KCNT1: variants seen among roughly 807,000 people sequenced by gnomAD.
KCNT1 encodes potassium channel subfamily T member 1.
KCNT1 carries 78 observed loss-of-function variants against 147.8 expected under a neutral mutation model. The ratio of observed to expected loss-of-function variants is 0.53; its 90% CI spans 0.44 to 0.64. The LOEUF is 0.64. KCNT1 is among the 30% of genes least tolerant of loss of function. KCNT1 has a pLI of 0.00. For synonymous variants in KCNT1, 867 were observed against 748.8 expected (o/e 1.16, Z -2.58); for missense variants, 1,419 against 1,750.3 (o/e 0.81, Z 3.38).
At chr9:135,719,142 C>T (rs1473904387) in intron 2 of KCNT1, among the ~76,000 whole-genome samples, 4 of 152,200 alleles carry the variant, frequency 2.6e-5, no homozygotes, top group African/African-American at 7.2e-5. Flanking sequence ...CCAGGGGCAA[C>T]TGATGGAGGC....
rs370521183 is a variant in KCNT1, at chr9:135,775,346, C to A, written c.2280C>A (p.Ile760=). The A allele has an allele frequency of 2.5e-6, 4 of 1,609,820 alleles. No individual in the cohort carries two copies. The African/African-American group carries it at 4.0e-5, about 16-fold the overall frequency. ...VKGYPPNSPY[I]GSSPTLCHLL... is the part of the protein sequence containing the mutation. The stretch of plus-strand genomic sequence containing the variant: ...GCTACCCTCCCAACTCGCCCTACAT[C>A]GGCAGCTCCCCAACCCTGTGCCACC... Residue 760 remains isoleucine (I), a synonymous_variant, in exon 20 of 31, where the codon ATC becomes ATA. Coordinates refer to ENST00000371757, the MANE Select transcript of KCNT1 (RefSeq NM_020822.3).
intron 1 of KCNT1, among the ~76,000 whole-genome samples, chr9:135,705,949 G>A (rs1473991938): frequency 2.0e-5 from 3 of 152,190 alleles, no homozygotes; most frequent in African/African-American, 4.8e-5. Context: ...TGGAGCAGAG[G>A]TGGGGGCATC....
intron 17 of KCNT1, 101 bp downstream of exon 17, chr9:135,770,548 G>T: frequency 1.4e-6 from 2 of 1,411,428 alleles, no homozygotes; most frequent in South Asian, 2.8e-5. Context: ...CTGGGGCGGG[G>T]CTGCAGAGGG....
chr9:135,776,738 A>G (rs914056230), intron 20 of KCNT1, among the ~76,000 whole-genome samples: 4 of 152,204 alleles, frequency 2.6e-5, no homozygotes. Flanking sequence ...CATCCTTGAC[A>G]GATCGTTATT....
At chr9:135,784,235 C>A (rs1385374764) in intron 25 of KCNT1, 110 bp downstream of exon 25, 7 of 889,464 alleles carry the variant, frequency 7.9e-6, no homozygotes, top group East Asian at 7.6e-5. Flanking sequence ...CTCTGAATGA[C>A]CTTCCCTGGA....
At chr9:135,708,710 A>T (rs1835355262) in intron 1 of KCNT1, among the ~76,000 whole-genome samples, 1 of 152,142 alleles carries the variant, frequency 6.6e-6, no homozygotes, top group South Asian at 2.1e-4. Context: ...TGCCTGGATA[A>T]CTTTTGTTAT....
chr9:135,781,502 C>T (rs916823177), intron 24 of KCNT1, among the ~76,000 whole-genome samples: 4 of 152,190 alleles, frequency 2.6e-5, no homozygotes, highest in Non-Finnish European at 5.9e-5. Flanking sequence ...GTCTCTCTGA[C>T]GGGCCAGCAT....
Position 135,772,861 on chromosome 9 carries a change from A to G in KCNT1, c.2155A>G (p.Ser719Gly). 1 of 1,551,116 alleles carries G rather than the reference A, an allele frequency of 6.4e-7. No individual in the cohort carries two copies. Among genetic ancestry groups the G allele is most frequent in the Non-Finnish European group, 8.7e-7 (1 of 1,147,940 alleles). The change falls in exon 19 of 31, where the codon AGC becomes GGC. Residue 719 changes from serine (S) to glycine (G), a missense_variant. Physicochemically the swap from Ser to Gly is moderately conservative, Grantham distance 56. Around this residue, in one of 5 missense-constraint regions of KCNT1, gnomAD observed 284 missense variants for 292.8 expected, o/e 0.97. Transcript: ENST00000371757. ...CGCGCCCGTCCTGGAACTGGCCGACAGCTCAGCCCTGCTGCCCTGCGACCT... is the reference window on the plus strand; with the variant it reads ...CGCGCCCGTCCTGGAACTGGCCGACGGCTCAGCCCTGCTGCCCTGCGACCT... ...SIAPVLELAD[S>G]SALLPCDLLS...
At chr9:135,767,373 T>C (rs1832356707) in intron 13 of KCNT1, among the ~76,000 whole-genome samples, 1 of 151,980 alleles carries the variant, frequency 6.6e-6, no homozygotes, top group Admixed American at 6.5e-5. Flanking sequence ...GTGGTGCCAG[T>C]GATGTGGTGG....
At chr9:135,747,116 A>G (rs531954558) in intron 2 of KCNT1, among the ~76,000 whole-genome samples, 1 of 152,156 alleles carries the variant, frequency 6.6e-6, no homozygotes, top group Non-Finnish European at 1.5e-5. Context: ...CACCTGTGGC[A>G]AGCCCTGGGG....
intron 2 of KCNT1, among the ~76,000 whole-genome samples, chr9:135,724,188 T>A (rs544413094): frequency 6.6e-6 from 1 of 152,236 alleles, no homozygotes; most frequent in South Asian, 2.1e-4. Flanking sequence ...AGCCTCAGGG[T>A]CAGGCCTCCA....
At chr9:135,746,881 C>T (rs1460613244) in intron 2 of KCNT1, among the ~76,000 whole-genome samples, 1 of 152,124 alleles carries the variant, frequency 6.6e-6, no homozygotes, top group African/African-American at 2.4e-5. Flanking sequence ...GAGGGCAGAG[C>T]TGCAGGACCT....
chr9:135,736,348 C>A (rs1180539089), intron 2 of KCNT1, among the ~76,000 whole-genome samples: 2 of 152,148 alleles, frequency 1.3e-5, no homozygotes, highest in Non-Finnish European at 2.9e-5. Flanking sequence ...CCAGCCCTCG[C>A]GGCTCCTCCC....
chr9:135,779,182 A>C (rs1287732987), intron 23 of KCNT1, among the ~76,000 whole-genome samples, 177 bp from the exon 24 acceptor site: 1 of 101,168 alleles, frequency 9.9e-6, no homozygotes, highest in Non-Finnish European at 2.0e-5. Flanking sequence ...GACCCCCCAC[A>C]GCCGTGGGAC....
intron 2 of KCNT1, among the ~76,000 whole-genome samples, chr9:135,726,669 A>G (rs1250056924): frequency 9.1e-6 from 1 of 109,918 alleles, no homozygotes; most frequent in African/African-American, 3.5e-5. Flanking sequence ...CCCTCCCTCT[A>G]TCTCTCCTTC....
intron 29 of KCNT1, 59 bp downstream of exon 29, chr9:135,786,580 C>A: frequency 6.9e-7 from 1 of 1,447,342 alleles, no homozygotes; most frequent in Non-Finnish European, 9.2e-7. Flanking sequence ...GGTCGGGCCA[C>A]AGCCAAGAAC....
rs1359682405 is a variant in KCNT1 at position 135,793,283 on chromosome 9, A to C, written c.*1122A>C. 1 of 151,980 alleles carries C rather than the reference A, an allele frequency of 6.6e-6. No homozygotes were observed. Among genetic ancestry groups the C allele is most frequent in the African/African-American group, 2.4e-5 (1 of 41,358 alleles). 9.4% of individuals were successfully genotyped at this position (151,980 alleles called of 1,614,324 possible). The stretch of plus-strand genomic sequence containing the variant: ...CCCCATTCCCCAGCCAGGCCAGGAC[A>C]GTCCTTCCAAAACTCGGGAACCAAA... On this transcript the variant is annotated 3_prime_UTR_variant, in exon 31 of 31. Coordinates refer to ENST00000371757, the MANE Select transcript of KCNT1 (RefSeq NM_020822.3).
chr9:135,711,455 C>T (rs1279384929), intron 1 of KCNT1, among the ~76,000 whole-genome samples: 1 of 152,236 alleles, frequency 6.6e-6, no homozygotes, highest in Non-Finnish European at 1.5e-5. Flanking sequence ...AGCCACTTGT[C>T]CTTGCCAGGA....
intron 13 of KCNT1, 91 bp from the exon 14 acceptor site, chr9:135,768,519 A>AGAGGAGGTCCTCCCC (rs1832492989): frequency 2.1e-6 from 2 of 932,266 alleles, no homozygotes; most frequent in Non-Finnish European, 3.3e-6. Flanking sequence ...GCCTCCTCCC[A>AGAGGAGGTCCTCCCC]GAGGAGGTCC....
Sources: gnomAD v4.1 joint callset for allele counts (sites outside exome capture counted in the v4.1 genomes callset) on GRCh38, gnomAD v4.1.1 for gene constraint, gnomAD v4.1.1 regional missense constraint, MANE v1.5 for transcripts, NCBI Gene and HGNC (gene_info 2026-07-23, HGNC 2026-07-21) for gene names.